Variants in MDN1 observed in about 807,000 individuals in gnomAD.
MDN1 encodes midasin AAA ATPase 1, also known as midasin.
MDN1 carries 266 observed loss-of-function variants against 669.2 expected under a neutral mutation model. The ratio of observed to expected loss-of-function variants is 0.40; its 90% CI spans 0.36 to 0.44. The LOEUF is 0.44. Among genes scored for constraint, MDN1 ranks in the 20% least tolerant of loss-of-function variants. MDN1 has a pLI of 1.00. For missense variants in MDN1, 5,940 were observed against 6,754.0 expected, an observed-to-expected ratio of 0.88 and a Z score of 4.22; for synonymous variants, 2,385 against 2,457.1, an observed-to-expected ratio of 0.97 and a Z score of 0.87.
intron 85 of MDN1, among the ~76,000 whole-genome samples, chr6:89,663,933 C>A: frequency 9.4e-6 from 1 of 106,234 alleles, no homozygotes; most frequent in Admixed American, 1.1e-4. Flanking sequence ...CAGAGCGAGA[C>A]TCCGTCTTAA....
At chr6:89,815,370 A>C (rs1768756242) in intron 1 of MDN1, 1 of 439,768 alleles carries the variant, frequency 2.3e-6, no homozygotes, top group African/African-American at 2.0e-5. Flanking sequence ...GTGAAATGAC[A>C]CTCTCATTCA....
intron 99 of MDN1, among the ~76,000 whole-genome samples, 176 bp from the exon 100 acceptor site, chr6:89,646,779 G>A (rs905395896): frequency 2.0e-5 from 3 of 152,126 alleles, no homozygotes; most frequent in African/African-American, 7.2e-5. Flanking sequence ...AGGATCCTTG[G>A]ATACAGACAT....
chr6:89,755,333 C>T (rs1817190382), intron 20 of MDN1, among the ~76,000 whole-genome samples: 1 of 147,072 alleles, frequency 6.8e-6, no homozygotes, highest in Non-Finnish European at 1.5e-5. Flanking sequence ...CACTTGAGGC[C>T]AGGGGTTTAA....
intron 15 of MDN1, among the ~76,000 whole-genome samples, chr6:89,768,662 A>C (rs1817923188): frequency 6.6e-6 from 1 of 152,108 alleles, no homozygotes; most frequent in Non-Finnish European, 1.5e-5. Context: ...ACATGAGCCT[A>C]GGAGGTACAG....
chr6:89,680,593 G>A lies in MDN1; in HGVS notation c.12261C>T (p.Phe4087=), dbSNP rs766952721. The part of the protein sequence containing the change: ...LPRLVEGLDQ[F]TGEVISSVSE... ...GACTTGGATGCTGGCACCCACCTGT[G>A]AACTGATCAAGGCCCTCCACAAGGC... The change falls in exon 74 of 102, where the codon TTC becomes TTT. Residue 4087 remains phenylalanine (F), a synonymous_variant. Transcript: ENST00000369393. 4.2e-5 allele frequency: 68 copies of A among 1,613,924 alleles called. No homozygotes were observed. The South Asian group carries it at 5.7e-4, about 14-fold the overall frequency.
chr6:89,735,333 A>AT lies in MDN1; in HGVS notation c.4724-2559dup, dbSNP rs200979149. Among the ~76,000 whole-genome samples, 1,049 of 138,294 alleles carry AT rather than the reference A, an allele frequency of 7.6e-3. 6 individuals carry two copies. The highest frequency in any genetic ancestry group is 0.019 in the African/African-American group (694 of 37,434). The allele number at this position is 138,294 out of a possible 152,430, so 90.7% of individuals were successfully genotyped here. ...CAGTTCATGTGCCTTTCACAGGTCA[A>AT]TTTTTTTTTTTTTTAAACACATCAA... On this transcript the variant is annotated intron_variant, in intron 33 of 101. Transcript: ENST00000369393.
chr6:89,700,346 C>G, intron 56 of MDN1, 52 bp from the exon 57 acceptor site: 1 of 1,405,590 alleles, frequency 7.1e-7, no homozygotes, highest in Non-Finnish European at 1.0e-6. Flanking sequence ...AGAGTATAGC[C>G]TCTAGATTCT....
intron 59 of MDN1, among the ~76,000 whole-genome samples, chr6:89,697,830 C>A (rs555965236): frequency 6.6e-6 from 1 of 152,200 alleles, no homozygotes. Context: ...GATCCACCCA[C>A]CTCAGCCTCC....
chr6:89,716,950 T>C, intron 43 of MDN1, 141 bp from the exon 44 acceptor site: 1 of 975,610 alleles, frequency 1.0e-6, no homozygotes, highest in South Asian at 2.0e-5. Context: ...GTTTTGCTTC[T>C]GTTTAAACAC....
Position 89,643,916 on chromosome 6 carries a change from T to C in MDN1, c.*89A>G. 9.0e-7 allele frequency: 1 copy of C among 1,111,924 alleles called. No individual in the cohort carries two copies. The highest frequency in any genetic ancestry group is 1.2e-6 in the Non-Finnish European group (1 of 803,022). The allele number at this position is 1,111,924 out of a possible 1,614,324, so 68.9% of individuals were successfully genotyped here. ...TAAAATAAAAATATTACAATAAAATTTTTTGTAGTTGTCCAAAAGGGAGCA... is the reference window on the plus strand; with the variant it reads ...TAAAATAAAAATATTACAATAAAATCTTTTGTAGTTGTCCAAAAGGGAGCA... On this transcript the variant is annotated 3_prime_UTR_variant, in exon 102 of 102. Transcript: ENST00000369393.
intron 24 of MDN1, 35 bp from the exon 25 acceptor site, chr6:89,749,786 A>G: frequency 6.7e-7 from 1 of 1,484,960 alleles, no homozygotes; most frequent in African/African-American, 1.4e-5. Context: ...CTAGTGTATA[A>G]ATCAGTACAA....
chr6:89,681,913 A>G (rs927538514), intron 73 of MDN1, among the ~76,000 whole-genome samples: 1 of 152,080 alleles, frequency 6.6e-6, no homozygotes, highest in South Asian at 2.1e-4. Context: ...CAGCCTCCCA[A>G]GGTGCTGGGA....
Position 89,644,147 on chromosome 6 carries a change from T to C in MDN1, c.16649A>G (p.Glu5550Gly). 1.2e-6 allele frequency: 2 copies of C among 1,613,766 alleles called. No individual in the cohort carries two copies. Among genetic ancestry groups the C allele is most frequent in the Non-Finnish European group, 1.7e-6 (2 of 1,179,922 alleles). ...CATGTAGGATCGGATTTCAGGCATC[T>C]CTCCAGGTCCTTTAAATATCGGTAC... ...IKVPIFKGPG[E>G]MPEIRSYMEE... The change falls in exon 102 of 102, where the codon GAG becomes GGG. Residue 5550 changes from glutamate to glycine, a missense_variant. Transcript: ENST00000369393.
chr6:89,650,513 G>C (rs1562032746), intron 96 of MDN1, among the ~76,000 whole-genome samples: 5 of 152,192 alleles, frequency 3.3e-5, no homozygotes, highest in African/African-American at 2.4e-5. Flanking sequence ...CAAGTGAATA[G>C]CTCAACATGT....
In MDN1 at chr6:89,718,556, A is replaced by T. The variant is rs184674013; in HGVS notation, c.6393T>A (p.Asp2131Glu). 2 of 1,614,156 alleles carry T rather than the reference A, an allele frequency of 1.2e-6. No individual in the cohort carries two copies. Residue 2131 changes from aspartate to glutamate, a missense_variant, in exon 43 of 102, where the codon GAT becomes GAA. Around this residue, in one of 5 missense-constraint regions of MDN1, gnomAD observed 2,292 missense variants for 2,638.3 expected, o/e 0.87. Transcript: ENST00000369393. ...CATCATCAGCACTGATAAGGAGGCT[A>T]TCCCTTAACAGTGCCCTTACAGTTC... Reference protein sequence around the residue: ...VEGTVRALLRDSLLISADDAE... With the variant: ...VEGTVRALLRESLLISADDAE...
At position 89,658,286 on chromosome 6, in the gene MDN1, T is replaced by G; in HGVS notation, c.15106A>C (p.Thr5036Pro). The G allele has an allele frequency of 1.2e-6, 2 of 1,614,202 alleles. No individual in the cohort carries two copies. Among genetic ancestry groups the G allele is most frequent in the Non-Finnish European group, 1.7e-6 (2 of 1,180,038 alleles). ...GTGTTCTGCATGTTCTCCACACCAG[T>G]CTGCCCACAGGAGGCATGCTCCTTC... Reference protein sequence around the residue: ...ERKEHASCGQTGVENMQNTQA... With the variant: ...ERKEHASCGQPGVENMQNTQA... The change falls in exon 90 of 102, where the codon ACT (threonine) becomes CCT (proline). Residue 5036 changes from threonine (T) to proline (P), a missense_variant. Transcript: ENST00000369393.
At position 89,790,498 on chromosome 6, in the gene MDN1, C is replaced by A; in HGVS notation, c.856-97G>T. 5 of 1,442,598 alleles carry A rather than the reference C, an allele frequency of 3.5e-6. No homozygotes were observed. The East Asian group carries it at 6.8e-5, about 20-fold the overall frequency. 89.4% of individuals were successfully genotyped at this position (1,442,598 alleles called of 1,614,324 possible). On this transcript the variant is annotated intron_variant, in intron 5 of 101. Coordinates refer to ENST00000369393, the MANE Select transcript of MDN1 (RefSeq NM_014611.3). ...AAGCCTTCTACTAACCTTACACAAA[C>A]CTCTGTAAGTAAATTAGTAGTACCA...
Position 89,752,302 on chromosome 6 carries a change from TACAC to T in MDN1, c.3076-724_3076-721del, listed in dbSNP as rs1298475345. Reference sequence around the variant, plus strand: ...TAAGTTTCTATCACACCCTGAGGCATACACACACAAAAAGACCAACTGGAAGAGA... The same window carrying T: ...TAAGTTTCTATCACACCCTGAGGCATACACAAAAAGACCAACTGGAAGAGA... On this transcript the variant is annotated intron_variant, in intron 22 of 101. Transcript: ENST00000369393. Among the ~76,000 whole-genome samples, 3 of 152,150 alleles carry T rather than the reference TACAC, an allele frequency of 2.0e-5. No homozygotes were observed. In the East Asian group the frequency reaches 5.8e-4, roughly 29 times the overall value.
chr6:89,672,788 C>T lies in MDN1; in HGVS notation c.13475-86G>A, dbSNP rs950883324. The stretch of plus-strand genomic sequence containing the variant: ...GTGCCTCTGGAAATCATTAAAAATA[C>T]TCATTTATTGATGAGCCACTGTGTC... On this transcript the variant is annotated intron_variant, in intron 80 of 101. Transcript: ENST00000369393. 7.1e-6 allele frequency: 10 copies of T among 1,414,802 alleles called. No homozygotes were observed. In the African/African-American group the frequency reaches 1.1e-4, roughly 16 times the overall value. 87.6% of individuals were successfully genotyped at this position (1,414,802 alleles called of 1,614,324 possible).
Sources: allele counts gnomAD v4.1 joint callset (sites outside exome capture counted in the v4.1 genomes callset), GRCh38; gene constraint gnomAD v4.1.1; regional missense constraint gnomAD v4.1.1; transcripts MANE v1.5; gene names NCBI Gene and HGNC (gene_info 2026-07-23, HGNC 2026-07-21).